Variants in ERC1 observed in about 807,000 individuals in gnomAD.
ERC1 encodes the protein ELKS/RAB6-interacting/CAST family member 1.
A neutral mutation model predicts 132.0 loss-of-function variants in ERC1; 56 were observed. That is an observed-to-expected ratio of 0.42 (90% confidence interval 0.34 to 0.53). ERC1 has a LOEUF of 0.53. Ranked by LOEUF, ERC1 falls within the 20% of genes least tolerant of loss-of-function variation. The pLI is 0.03. For missense variants in ERC1, 1,202 were observed against 1,349.9 expected (o/e 0.89, Z 1.72); for synonymous variants, 478 against 476.1 (o/e 1.00, Z -0.05).
intron 18 of ERC1, among the ~76,000 whole-genome samples, chr12:1,471,268 A>G (rs1211045953): frequency 6.6e-6 from 1 of 152,244 alleles, no homozygotes. Flanking sequence ...CTAAAAAATT[A>G]GAGAGGTATA....
chr12:1,455,203 C>T (rs1184918918), intron 18 of ERC1, among the ~76,000 whole-genome samples: 2 of 152,154 alleles, frequency 1.3e-5, no homozygotes, highest in Admixed American at 6.5e-5. Flanking sequence ...ACCCTAAATA[C>T]TTTCCTTTCT....
chr12:1,021,353 C>T (rs981826873), intron 1 of ERC1, among the ~76,000 whole-genome samples: 5 of 151,970 alleles, frequency 3.3e-5, no homozygotes, highest in Non-Finnish European at 5.9e-5. Context: ...GGCCACTTTG[C>T]GGGAGGAGGT....
intron 13 of ERC1, among the ~76,000 whole-genome samples, chr12:1,248,932 C>T (rs1474877329): frequency 2.0e-5 from 3 of 152,096 alleles, no homozygotes; most frequent in African/African-American, 7.2e-5. Flanking sequence ...ACTCAGGCTG[C>T]AGTGCAGTGG....
At chr12:1,462,335 CAAAAG>C (rs2093660119) in intron 18 of ERC1, among the ~76,000 whole-genome samples, 1 of 152,092 alleles carries the variant, frequency 6.6e-6, no homozygotes, top group Admixed American at 6.6e-5. Flanking sequence ...TATTCTTACT[CAAAAG>C]AAATGAAAGC....
intron 15 of ERC1, among the ~76,000 whole-genome samples, chr12:1,338,232 T>G (rs1302089927): frequency 6.6e-6 from 1 of 152,208 alleles, no homozygotes; most frequent in Non-Finnish European, 1.5e-5. Context: ...TGTTTATTCC[T>G]TTATACTCTC....
intron 16 of ERC1, among the ~76,000 whole-genome samples, chr12:1,394,117 T>C (rs926726364): frequency 1.0e-4 from 15 of 150,318 alleles, no homozygotes; most frequent in Non-Finnish European, 1.0e-4. Flanking sequence ...AAAAACTTTT[T>C]AGGCCGGGCA....
intron 8 of ERC1, among the ~76,000 whole-genome samples, chr12:1,149,912 T>C (rs993604706): frequency 1.1e-4 from 16 of 152,210 alleles, no homozygotes; most frequent in Admixed American, 8.5e-4. Flanking sequence ...GGATACAACA[T>C]AGAAAAATTT....
At chr12:1,246,399 A>G (rs1448079187) in intron 13 of ERC1, among the ~76,000 whole-genome samples, 7 of 152,234 alleles carry the variant, frequency 4.6e-5, no homozygotes, top group Admixed American at 1.3e-4. Context: ...GCTGATATAA[A>G]TAAGTAATCA....
intron 18 of ERC1, among the ~76,000 whole-genome samples, chr12:1,483,278 A>G (rs1056238829): frequency 2.6e-5 from 4 of 152,200 alleles, no homozygotes; most frequent in African/African-American, 9.7e-5. Context: ...AGCCTGAGCA[A>G]CAGAATGAGA....
At chr12:995,235 C>T (rs75698345) in intron 1 of ERC1, among the ~76,000 whole-genome samples, 4,332 of 151,862 alleles carry the variant, frequency 0.029, 86 homozygotes, top group South Asian at 0.091. Flanking sequence ...CCAGCCTGGG[C>T]GACAGAGTGA....
intron 17 of ERC1, chr12:1,443,601 C>T (rs2093223417): frequency 6.6e-6 from 1 of 152,348 alleles, no homozygotes; most frequent in Admixed American, 6.5e-5. Flanking sequence ...GCAGTGCTCA[C>T]AGCTGCTGTG....
At chr12:1,335,597 C>T (rs1361339927) in intron 15 of ERC1, among the ~76,000 whole-genome samples, 1 of 151,800 alleles carries the variant, frequency 6.6e-6, no homozygotes, top group African/African-American at 2.4e-5. Flanking sequence ...GGTGGATAAG[C>T]CTTTTCATGT....
At chr12:1,382,114 G>T (rs986093226) in intron 16 of ERC1, among the ~76,000 whole-genome samples, 1 of 152,108 alleles carries the variant, frequency 6.6e-6, no homozygotes, top group Non-Finnish European at 1.5e-5. Context: ...TAGTAACTGA[G>T]TGTCAGGAGA....
chr12:1,346,607 T>C (rs1161848183), intron 15 of ERC1, among the ~76,000 whole-genome samples: 1 of 152,180 alleles, frequency 6.6e-6, no homozygotes, highest in Admixed American at 6.5e-5. Context: ...GGTATTCCAG[T>C]GTATAGGAAA....
rs137966107 is a variant in ERC1 at position 1,455,711 on chromosome 12, A to C, written c.3213+10961A>C. Among the ~76,000 whole-genome samples the C allele has an allele frequency of 4.2e-3, 643 of 152,310 alleles. 3 individuals are homozygous for C. The highest frequency in any genetic ancestry group is 0.013 in the African/African-American group (528 of 41,580). On this transcript the variant is annotated intron_variant, in intron 18 of 18. Transcript: ENST00000360905. ...AAAATTGTGAGAAAACTTCAATGAG[A>C]ACGTTTTTGACAAGTCGCCTTTCCC...
chr12:1,480,567 A>G (rs553400283), intron 18 of ERC1, among the ~76,000 whole-genome samples: 16 of 152,340 alleles, frequency 1.1e-4, no homozygotes, highest in African/African-American at 3.4e-4. Context: ...AGTCTTAACA[A>G]GGCAATAAAT....
At chr12:1,284,300 GTGTGTGTGTA>G (rs1163848266) in intron 14 of ERC1, among the ~76,000 whole-genome samples, 2 of 146,300 alleles carry the variant, frequency 1.4e-5, no homozygotes, top group African/African-American at 5.3e-5. Flanking sequence ...GTGTGTGTGT[GTGTGTGTGTA>G]TACATACCAC....
At chr12:1,188,821 G>T (rs908764078) in intron 11 of ERC1, among the ~76,000 whole-genome samples, 17 of 151,724 alleles carry the variant, frequency 1.1e-4, no homozygotes, top group African/African-American at 3.4e-4. Flanking sequence ...CCATTTTAAG[G>T]GACTAAATAT....
intron 12 of ERC1, among the ~76,000 whole-genome samples, chr12:1,195,576 G>A (rs1956141751): frequency 6.6e-6 from 1 of 152,158 alleles, no homozygotes; most frequent in Admixed American, 6.6e-5. Context: ...TTATAAGACA[G>A]ACTTGCAAGA....
Sources: allele counts gnomAD v4.1 joint callset (sites outside exome capture counted in the v4.1 genomes callset), GRCh38; gene constraint gnomAD v4.1.1; transcripts MANE v1.5; gene names NCBI Gene and HGNC (gene_info 2026-07-23, HGNC 2026-07-21).